The following RPRD2 variants were observed in gnomAD, a reference collection of about 807,000 sequenced individuals.
RPRD2 encodes regulation of nuclear pre-mRNA domain-containing protein 2.
In RPRD2, 12 loss-of-function variants were observed where a neutral mutation model predicts 104.4. That is an observed-to-expected ratio of 0.11 (90% CI 0.07 to 0.19). RPRD2 has a LOEUF of 0.19. RPRD2 is among the 10% of genes least tolerant of loss of function. RPRD2 has a pLI of 1.00. For synonymous variants in RPRD2, 714 were observed against 684.9 expected (o/e 1.04, Z -0.66); for missense variants, 1,543 against 1,790.1 (o/e 0.86, Z 2.49).
chr1:150,366,030 T>G (rs1330870470), intron 1 of RPRD2, among the ~76,000 whole-genome samples: 1 of 152,228 alleles, frequency 6.6e-6, no homozygotes, highest in Admixed American at 6.5e-5. Flanking sequence ...TCCTGGAGAT[T>G]TTTCCATTTT....
Position 150,460,162 on chromosome 1 carries a change from T to G in RPRD2, c.1256T>G (p.Val419Gly), listed in dbSNP as rs1553898527. 6.2e-7 allele frequency: 1 copy of G among 1,613,972 alleles called. No individual in the cohort carries two copies. ...NISKASSCTP[V>G]PVTMTATPPL... ...TCAAAGGCCTCTTCATGTACCCCAG[T>G]GCCTGTGACCATGACAGCAACTCCA... Residue 419 changes from valine to glycine, a missense_variant, in exon 9 of 11, where the codon GTG (valine) becomes GGG (glycine). Transcript: ENST00000369068.
At chr1:150,451,841 T>C (rs782496163) in intron 7 of RPRD2, among the ~76,000 whole-genome samples, 1 of 150,696 alleles carries the variant, frequency 6.6e-6, no homozygotes, top group Non-Finnish European at 1.5e-5. Context: ...CTGGTGTCCA[T>C]ATAAGAAGAG....
At chr1:150,395,183 G>A (rs1662404239) in intron 1 of RPRD2, among the ~76,000 whole-genome samples, 1 of 152,120 alleles carries the variant, frequency 6.6e-6, no homozygotes, top group Admixed American at 6.6e-5. Flanking sequence ...AGTCCCCAAA[G>A]TCCACTGTGT....
intron 2 of RPRD2, among the ~76,000 whole-genome samples, chr1:150,420,887 A>T (rs369611476): frequency 1.3e-5 from 2 of 152,232 alleles, no homozygotes; most frequent in East Asian, 1.9e-4. Context: ...CAGAATTGTC[A>T]TTACTTGCAG....
At chr1:150,365,322 T>G (rs1369843803) in intron 1 of RPRD2, among the ~76,000 whole-genome samples, 1 of 152,214 alleles carries the variant, frequency 6.6e-6, no homozygotes, top group Non-Finnish European at 1.5e-5. Flanking sequence ...GAGCTGTGGT[T>G]TTAAGCAGTA....
intron 2 of RPRD2, among the ~76,000 whole-genome samples, chr1:150,430,034 A>G (rs1392687583): frequency 3.9e-5 from 6 of 152,220 alleles, no homozygotes; most frequent in African/African-American, 1.4e-4. Flanking sequence ...TTCTATATGA[A>G]CACATTTTCT....
chr1:150,444,248 T>C lies in RPRD2; in HGVS notation c.568-3T>C. 6.2e-7 allele frequency: 1 copy of C among 1,612,300 alleles called. No homozygotes were observed. Among genetic ancestry groups the C allele is most frequent in the Non-Finnish European group, 8.5e-7 (1 of 1,179,238 alleles). Reference sequence around the variant, plus strand: ...ATGAAATATGACTCTGGTCTGTGTTTAGTCTCAGGCCCTAATTGAAGAGCT... The same window carrying C: ...ATGAAATATGACTCTGGTCTGTGTTCAGTCTCAGGCCCTAATTGAAGAGCT... On this transcript the variant is annotated splice_region_variant and splice_polypyrimidine_tract_variant and intron_variant, in intron 5 of 10. Transcript: ENST00000369068.
intron 1 of RPRD2, among the ~76,000 whole-genome samples, chr1:150,383,480 C>G (rs1661309211): frequency 6.6e-6 from 1 of 151,718 alleles, no homozygotes. Flanking sequence ...CCACGCCCAG[C>G]TAATTTTTGT....
At chr1:150,371,167 A>G (rs1304538184) in intron 1 of RPRD2, among the ~76,000 whole-genome samples, 1 of 152,186 alleles carries the variant, frequency 6.6e-6, no homozygotes, top group Admixed American at 6.5e-5. Flanking sequence ...CTCAGTTTGG[A>G]TATCGAGATC....
chr1:150,403,704 A>G (rs1469439549), intron 1 of RPRD2, among the ~76,000 whole-genome samples: 1 of 151,804 alleles, frequency 6.6e-6, no homozygotes. Context: ...GCTGCAGTGC[A>G]GTGTCACAAT....
intron 10 of RPRD2, among the ~76,000 whole-genome samples, chr1:150,467,318 A>G (rs1472078993): frequency 6.6e-6 from 1 of 152,204 alleles, no homozygotes; most frequent in Non-Finnish European, 1.5e-5. Flanking sequence ...TGTACTACTA[A>G]TATCAGGGAC....
At chr1:150,373,141 G>A (rs1553878796) in intron 1 of RPRD2, among the ~76,000 whole-genome samples, 1 of 152,008 alleles carries the variant, frequency 6.6e-6, no homozygotes, top group Admixed American at 6.6e-5. Flanking sequence ...AGCCTCCTGA[G>A]TAGCTGGGAT....
At chr1:150,403,156 T>A (rs1310474916) in intron 1 of RPRD2, among the ~76,000 whole-genome samples, 1 of 152,214 alleles carries the variant, frequency 6.6e-6, no homozygotes, top group East Asian at 1.9e-4. Flanking sequence ...ACCCTTCACC[T>A]TCTTTCTCTA....
intron 1 of RPRD2, among the ~76,000 whole-genome samples, chr1:150,413,444 T>C (rs1664091244): frequency 6.6e-6 from 1 of 151,432 alleles, no homozygotes; most frequent in Non-Finnish European, 1.5e-5. Flanking sequence ...CTACTAAAAA[T>C]ACAAAAAAAT....
At chr1:150,405,293 CTCTT>C (rs1663377584) in intron 1 of RPRD2, among the ~76,000 whole-genome samples, 1 of 152,112 alleles carries the variant, frequency 6.6e-6, no homozygotes, top group African/African-American at 2.4e-5. Flanking sequence ...TTAGATATGG[CTCTT>C]TCAGTGTATA....
Position 150,380,757 on chromosome 1 carries a change from C to T in RPRD2, c.205+15838C>T, listed in dbSNP as rs183838844. Among the ~76,000 whole-genome samples, 596 of 152,138 alleles carry T rather than the reference C, an allele frequency of 3.9e-3. 2 individuals carry two copies. Among genetic ancestry groups the T allele is most frequent in the Admixed American group, 8.6e-3 (131 of 15,258 alleles). ...GCAACCTCTGCCTCCTGGGTTCAAGCGATTCTCCTGCCTCAGCCTCCCGAG... is the reference window on the plus strand; with the variant it reads ...GCAACCTCTGCCTCCTGGGTTCAAGTGATTCTCCTGCCTCAGCCTCCCGAG... On this transcript the variant is annotated intron_variant, in intron 1 of 10. Coordinates refer to ENST00000369068, the MANE Select transcript of RPRD2 (RefSeq NM_015203.5).
intron 1 of RPRD2, among the ~76,000 whole-genome samples, chr1:150,402,193 T>C (rs1438365665): frequency 7.9e-5 from 12 of 151,902 alleles, no homozygotes; most frequent in African/African-American, 2.9e-4. Flanking sequence ...CTCCTGACCT[T>C]GTGATCCACT....
chr1:150,465,573 CCTAT>C (rs1375090642), intron 10 of RPRD2, among the ~76,000 whole-genome samples: 12 of 152,160 alleles, frequency 7.9e-5, no homozygotes, highest in Admixed American at 5.9e-4. Context: ...TGGTCACATA[CCTAT>C]CTGTCTATTC....
chr1:150,368,224 T>A (rs1303057276), intron 1 of RPRD2, among the ~76,000 whole-genome samples: 4 of 92,594 alleles, frequency 4.3e-5, no homozygotes, highest in African/African-American at 8.4e-5. Context: ...TTTTTTTTTT[T>A]AATACGGAGT....
Sources: allele counts gnomAD v4.1 joint callset (sites outside exome capture counted in the v4.1 genomes callset), GRCh38; gene constraint gnomAD v4.1.1; transcripts MANE v1.5; gene names NCBI Gene and HGNC (gene_info 2026-07-23, HGNC 2026-07-21).